HLA-DRB5: variants seen among roughly 807,000 people sequenced by gnomAD.
The protein encoded by HLA-DRB5 is DR beta-5.
In HLA-DRB5, 11 loss-of-function variants were observed where a neutral mutation model predicts 22.4. That is an observed-to-expected ratio of 0.49 (90% CI 0.31 to 0.81). The LOEUF (loss-of-function observed/expected upper bound fraction) is 0.81. HLA-DRB5 is among the 40% of genes least tolerant of loss of function. HLA-DRB5 has a pLI of 0.05. For missense variants in HLA-DRB5, 106 were observed against 274.4 expected (o/e 0.39, Z 4.34); for synonymous variants, 57 against 106.0 (o/e 0.54, Z 2.84).
Position 32,517,394 on chromosome 6 carries a change from A to C in HLA-DRB5, c.*345T>G. On this transcript the variant is annotated 3_prime_UTR_variant, in exon 6 of 6. Coordinates refer to ENST00000374975, the MANE Select transcript of HLA-DRB5 (RefSeq NM_002125.4). ...TTTTCTTTTTATTTTTTGTCTTTGGAGCCAGGTGGACAGATGATTTTTAAC... is the reference window on the plus strand; with the variant it reads ...TTTTCTTTTTATTTTTTGTCTTTGGCGCCAGGTGGACAGATGATTTTTAAC... 1.5e-5 allele frequency: 1 copy of C among 65,968 alleles called. No individual in the cohort carries two copies. The highest frequency in any genetic ancestry group is 2.6e-4 in the Admixed American group (1 of 3,818). The allele number at this position is 65,968 out of a possible 1,614,324, so 4.1% of individuals were successfully genotyped here.
chr6:32,521,083 T>C (rs112968327), intron 2 of HLA-DRB5, among the ~76,000 whole-genome samples: 2,867 of 20,054 alleles, frequency 0.14, 788 homozygotes, highest in Non-Finnish European at 0.17. Context: ...CAGAAACATA[T>C]ATTTTCAACT....
chr6:32,521,062 T>C (rs186435369), intron 2 of HLA-DRB5, among the ~76,000 whole-genome samples: 14 of 34,794 alleles, frequency 4.0e-4, no homozygotes, highest in Non-Finnish European at 6.6e-4. Context: ...AAAAATAAAT[T>C]AAATAATAAC....
At chr6:32,529,138 C>A (rs201516868) in intron 1 of HLA-DRB5, among the ~76,000 whole-genome samples, 9,012 of 102,540 alleles carry the variant, frequency 0.088, 24 homozygotes, top group Non-Finnish European at 0.1. Flanking sequence ...GACAAGACCC[C>A]AGTAAGACAA....
chr6:32,524,373 A>G (rs200097165), intron 1 of HLA-DRB5, among the ~76,000 whole-genome samples: 13,744 of 97,728 alleles, frequency 0.14, 34 homozygotes, highest in Middle Eastern at 0.19. Context: ...GTAGTAGTGA[A>G]TCACAACCAC....
intron 1 of HLA-DRB5, among the ~76,000 whole-genome samples, chr6:32,525,305 T>TA (rs201784649): frequency 0.1 from 4,116 of 39,376 alleles, 1,917 homozygotes; most frequent in Middle Eastern, 0.27. Context: ...CTCACAGGAT[T>TA]TTTGTAAGTG....
chr6:32,518,718 A>G lies in HLA-DRB5; in HGVS notation c.653-52T>C. ...TTTTTATCCCAAATTGAACCTTTTTAATTGAGACCCTGCAATATTCATAGC... is the reference window on the plus strand; with the variant it reads ...TTTTTATCCCAAATTGAACCTTTTTGATTGAGACCCTGCAATATTCATAGC... On this transcript the variant is annotated intron_variant, in intron 3 of 5. Coordinates refer to ENST00000374975, the MANE Select transcript of HLA-DRB5 (RefSeq NM_002125.4). 2 of 446,882 alleles carry G rather than the reference A, an allele frequency of 4.5e-6. 1 individual carries two copies. The highest frequency in any genetic ancestry group is 5.4e-5 in the South Asian group (2 of 37,214). The allele number at this position is 446,882 out of a possible 1,614,324, so 27.7% of individuals were successfully genotyped here. A position where few individuals can be genotyped will look rare whatever the true frequency, so the allele number is the denominator to read the frequency against.
At chr6:32,521,187 GAA>G (rs1424019076) in intron 2 of HLA-DRB5, among the ~76,000 whole-genome samples, 991 of 45,076 alleles carry the variant, frequency 0.022, no homozygotes, top group Non-Finnish European at 0.025. Context: ...GTAAGTAGTA[GAA>G]AACTATTAGC....
rs373469752 is a variant in HLA-DRB5, at chr6:32,527,497, CAAA to C, written c.100+2625_100+2627del. On this transcript the variant is annotated intron_variant, in intron 1 of 5. Coordinates refer to ENST00000374975, the MANE Select transcript of HLA-DRB5 (RefSeq NM_002125.4). ...CTGGTGACAGAGCAAGACTATATCT[CAAA>C]AAAAAAAAAAATTAAAAAATTAAAA... Among the ~76,000 whole-genome samples, 2 of 25,632 alleles carry C rather than the reference CAAA, an allele frequency of 7.8e-5. 1 individual carries two copies. Among genetic ancestry groups the C allele is most frequent in the East Asian group, 2.0e-3 (2 of 1,010 alleles). The allele number at this position is 25,632 out of a possible 152,430, so 16.8% of individuals were successfully genotyped here.
At chr6:32,524,168 T>A (rs142408103) in intron 1 of HLA-DRB5, among the ~76,000 whole-genome samples, 53,134 of 84,082 alleles carry the variant, frequency 0.63, 23,040 homozygotes, top group Middle Eastern at 0.8. Flanking sequence ...TATCTGTGAA[T>A]ATCTTGGTCC....
At chr6:32,530,011 A>G (rs1422736576) in intron 1 of HLA-DRB5, 114 bp downstream of exon 1, 7 of 658,594 alleles carry the variant, frequency 1.1e-5, no homozygotes, top group Non-Finnish European at 1.9e-5. Context: ...AAAGATGGGC[A>G]ATCTCTGAAG....
At chr6:32,530,077 C>T in intron 1 of HLA-DRB5, 48 bp downstream of exon 1, 2 of 1,134,036 alleles carry the variant, frequency 1.8e-6, no homozygotes, top group South Asian at 1.3e-5. Context: ...ACAAAACTCC[C>T]TATTTTCCCC....
intron 1 of HLA-DRB5, among the ~76,000 whole-genome samples, chr6:32,525,703 A>T: frequency 8.6e-6 from 1 of 116,502 alleles, no homozygotes; most frequent in South Asian, 2.7e-4. Context: ...GATTCCAGAG[A>T]TGTACATGTT....
intron 1 of HLA-DRB5, 39 bp downstream of exon 1, chr6:32,530,086 C>G (rs113810140): frequency 0.17 from 197,034 of 1,129,262 alleles, 2,033 homozygotes; most frequent in East Asian, 0.26. Context: ...CCTATTTTCC[C>G]CACCCCATAG....
intron 1 of HLA-DRB5, among the ~76,000 whole-genome samples, chr6:32,524,586 CTT>C (rs202004785): frequency 0.51 from 40,453 of 78,904 alleles, 11,842 homozygotes; most frequent in Middle Eastern, 0.67. Flanking sequence ...GGTCCCCAGA[CTT>C]TGTGTAGAGA....
chr6:32,523,789 G>T (rs796967043), intron 1 of HLA-DRB5, among the ~76,000 whole-genome samples: 41,697 of 74,636 alleles, frequency 0.56, 13,955 homozygotes, highest in Middle Eastern at 0.76. Flanking sequence ...AACTGAATTG[G>T]GTGCTGAGTG....
At chr6:32,529,162 C>G (rs1355806068) in intron 1 of HLA-DRB5, among the ~76,000 whole-genome samples, 1 of 139,350 alleles carries the variant, frequency 7.2e-6, no homozygotes, top group South Asian at 2.3e-4. Flanking sequence ...GTTCCCAGGA[C>G]TTGATCATTA....
chr6:32,523,071 G>C (rs529557359), intron 1 of HLA-DRB5, among the ~76,000 whole-genome samples: 75,307 of 97,546 alleles, frequency 0.77, 31,586 homozygotes, highest in Middle Eastern at 0.89. Flanking sequence ...ATTGAAAAGC[G>C]TTGTGGGTGG....
In HLA-DRB5 at chr6:32,522,159, T is replaced by A. The variant is rs201948867; in HGVS notation, c.116A>T (p.Gln39Leu). The change falls in exon 2 of 6, where the codon CAG becomes CTG. Residue 39 changes from glutamine to leucine, a missense_variant. Transcript: ENST00000374975. ...GAAGAAATGACACTCATACTTATCC[T>A]GCTGCAAGAAACGTGCTGTGGGGAC... Reference protein sequence around the residue: ...AGDTRPRFLQQDKYECHFFNG... With the variant: ...AGDTRPRFLQLDKYECHFFNG... 89,943 of 768,344 alleles carry A rather than the reference T, an allele frequency of 0.12. 10,711 individuals carry two copies. Among genetic ancestry groups the A allele is most frequent in the African/African-American group, 0.19 (6,062 of 32,126 alleles). The allele number at this position is 768,344 out of a possible 1,614,324, so 47.6% of individuals were successfully genotyped here. A position where few individuals can be genotyped will look rare whatever the true frequency, so the allele number is the denominator to read the frequency against.
chr6:32,521,571 A>AG (rs1768870890), intron 2 of HLA-DRB5, among the ~76,000 whole-genome samples: 1 of 69,706 alleles, frequency 1.4e-5, no homozygotes, highest in Non-Finnish European at 2.9e-5. Flanking sequence ...TAAGGACACG[A>AG]GACAACCAAG....
Sources: allele counts gnomAD v4.1 joint callset (sites outside exome capture counted in the v4.1 genomes callset), GRCh38; gene constraint gnomAD v4.1.1; transcripts MANE v1.5; gene names NCBI Gene and HGNC (gene_info 2026-07-23, HGNC 2026-07-21).